TAF3: variants seen among roughly 807,000 people sequenced by gnomAD.
TAF3 encodes the protein TATA-box binding protein associated factor 3.
TAF3 carries 7 observed loss-of-function variants against 80.6 expected under a neutral mutation model. That is an observed-to-expected ratio of 0.09 (90% confidence interval 0.05 to 0.16). The LOEUF is 0.16. Among genes scored for constraint, TAF3 ranks in the 10% least tolerant of loss-of-function variants. The pLI is 1.00. For synonymous variants in TAF3, 444 were observed against 446.1 expected (o/e 1.00, Z 0.06); for missense variants, 921 against 1,140.2 (o/e 0.81, Z 2.77).
intron 2 of TAF3, among the ~76,000 whole-genome samples, chr10:7,845,578 T>A (rs1447295279): frequency 6.6e-6 from 1 of 152,204 alleles, no homozygotes; most frequent in Admixed American, 6.5e-5. Flanking sequence ...AAAATATTTA[T>A]GTTTGTGAAA....
At chr10:7,950,510 A>G (rs536855017) in intron 2 of TAF3, among the ~76,000 whole-genome samples, 27 of 152,354 alleles carry the variant, frequency 1.8e-4, no homozygotes, top group African/African-American at 6.3e-4. Context: ...TTCATGAAGC[A>G]TATTTATTCT....
intron 2 of TAF3, among the ~76,000 whole-genome samples, chr10:7,951,731 C>T (rs1305936404): frequency 3.6e-4 from 55 of 152,154 alleles, no homozygotes; most frequent in Admixed American, 3.6e-3. Context: ...TATACAAACT[C>T]ATTTTTTACA....
At chr10:7,989,251 C>G (rs1831810154) in intron 4 of TAF3, among the ~76,000 whole-genome samples, 1 of 152,104 alleles carries the variant, frequency 6.6e-6, no homozygotes, top group Non-Finnish European at 1.5e-5. Flanking sequence ...TTGCTTGGAT[C>G]TAGAGGTAGG....
At chr10:8,004,719 CTAT>C (rs1831975870) in intron 4 of TAF3, among the ~76,000 whole-genome samples, 1 of 152,002 alleles carries the variant, frequency 6.6e-6, no homozygotes, top group African/African-American at 2.4e-5. Context: ...TCCTCTCTAT[CTAT>C]GATATTTTAT....
rs1837016132 is a variant in TAF3 at position 7,850,488 on chromosome 10, C to T, written c.409+25928C>T. The stretch of plus-strand genomic sequence containing the variant: ...GTCAGCAGTTTGAGACCAGCCTGGC[C>T]AACATGGTGAAACCCTGTCTTTACT... On this transcript the variant is annotated intron_variant, in intron 2 of 6. Coordinates refer to ENST00000344293, the MANE Select transcript of TAF3 (RefSeq NM_031923.4). Among the ~76,000 whole-genome samples the T allele has an allele frequency of 3.3e-5, 5 of 152,142 alleles. No individual in the cohort carries two copies. The South Asian group carries it at 1.0e-3, about 32-fold the overall frequency.
At chr10:8,003,277 G>A (rs999437905) in intron 4 of TAF3, among the ~76,000 whole-genome samples, 5 of 143,512 alleles carry the variant, frequency 3.5e-5, no homozygotes, top group Admixed American at 7.0e-5. Context: ...CATATTATAC[G>A]TTGTTTGTAA....
chr10:7,835,759 A>G (rs1308287811), intron 2 of TAF3, among the ~76,000 whole-genome samples: 1 of 152,098 alleles, frequency 6.6e-6, no homozygotes, highest in Non-Finnish European at 1.5e-5. Flanking sequence ...GTTTCAGGTC[A>G]GTCTTCCCGT....
chr10:8,005,911 T>C (rs1831986549), intron 4 of TAF3, among the ~76,000 whole-genome samples: 1 of 152,194 alleles, frequency 6.6e-6, no homozygotes, highest in Non-Finnish European at 1.5e-5. Flanking sequence ...GACTGCCTTG[T>C]TTAAATCCTG....
intron 2 of TAF3, among the ~76,000 whole-genome samples, chr10:7,878,648 A>G (rs1391159558): frequency 6.6e-6 from 1 of 152,210 alleles, no homozygotes; most frequent in Admixed American, 6.5e-5. Context: ...CCACTAGCTT[A>G]TAGGAAATTC....
intron 2 of TAF3, among the ~76,000 whole-genome samples, chr10:7,939,593 C>T (rs190991284): frequency 0.016 from 2,480 of 150,846 alleles, 68 homozygotes; most frequent in African/African-American, 0.057. Flanking sequence ...CACACACACA[C>T]ACACACACAC....
rs555691114 is a variant in TAF3, at chr10:7,983,581, A to C, written c.2315+6258A>C. ...TTTTGATTTAAAAACAACAACAACA[A>C]CACAAAAAAAGATTAAAGAATGTTG... On this transcript the variant is annotated intron_variant, in intron 4 of 6. Transcript: ENST00000344293. Among the ~76,000 whole-genome samples the C allele has an allele frequency of 7.2e-5, 11 of 152,370 alleles. No homozygotes were observed. In the South Asian group the frequency reaches 8.3e-4, roughly 11 times the overall value.
chr10:7,827,413 T>C (rs1221600375), intron 2 of TAF3, among the ~76,000 whole-genome samples: 1 of 152,112 alleles, frequency 6.6e-6, no homozygotes, highest in Admixed American at 6.5e-5. Context: ...GCTTATGCAC[T>C]TTGGGAGGCT....
intron 2 of TAF3, among the ~76,000 whole-genome samples, chr10:7,844,034 A>G (rs1251701817): frequency 1.3e-5 from 2 of 152,214 alleles, no homozygotes; most frequent in Non-Finnish European, 2.9e-5. Flanking sequence ...AAAGCATACA[A>G]CTTTAGTCAT....
At chr10:7,901,372 C>A (rs1837557269) in intron 2 of TAF3, among the ~76,000 whole-genome samples, 1 of 152,144 alleles carries the variant, frequency 6.6e-6, no homozygotes, top group Non-Finnish European at 1.5e-5. Flanking sequence ...CTTTAAAATT[C>A]TTATAAAAAC....
intron 2 of TAF3, among the ~76,000 whole-genome samples, chr10:7,913,480 T>G (rs1327429912): frequency 6.6e-6 from 1 of 152,228 alleles, no homozygotes; most frequent in Non-Finnish European, 1.5e-5. Context: ...TGATCCTGCT[T>G]TTAGAAGATT....
At chr10:7,885,167 A>T (rs555403992) in intron 2 of TAF3, among the ~76,000 whole-genome samples, 1 of 152,120 alleles carries the variant, frequency 6.6e-6, no homozygotes, top group South Asian at 2.1e-4. Context: ...TGATGGTTGC[A>T]TGACAGTGTG....
At chr10:7,909,739 A>C (rs936894479) in intron 2 of TAF3, among the ~76,000 whole-genome samples, 1 of 152,184 alleles carries the variant, frequency 6.6e-6, no homozygotes, top group African/African-American at 2.4e-5. Flanking sequence ...GAGATTTACC[A>C]CTTTATATCT....
At chr10:7,924,996 C>G (rs1317099676) in intron 2 of TAF3, among the ~76,000 whole-genome samples, 1 of 152,154 alleles carries the variant, frequency 6.6e-6, no homozygotes, top group Non-Finnish European at 1.5e-5. Context: ...GTGAGAAATA[C>G]TCTAGATTTG....
At chr10:7,931,101 T>C (rs1268222262) in intron 2 of TAF3, among the ~76,000 whole-genome samples, 1 of 152,224 alleles carries the variant, frequency 6.6e-6, no homozygotes, top group Non-Finnish European at 1.5e-5. Flanking sequence ...GTGTTTTTAA[T>C]TTTTGCTTTA....
Sources: allele counts gnomAD v4.1 joint callset (sites outside exome capture counted in the v4.1 genomes callset), GRCh38; gene constraint gnomAD v4.1.1; transcripts MANE v1.5; gene names NCBI Gene and HGNC (gene_info 2026-07-23, HGNC 2026-07-21).